The following FSTL5 variants were observed in gnomAD, a reference collection of about 807,000 sequenced individuals.
The protein encoded by FSTL5 is follistatin-related protein 5.
In FSTL5, 62 loss-of-function variants were observed where a neutral mutation model predicts 89.1. That is an observed-to-expected ratio of 0.70 (90% CI 0.57 to 0.86). The LOEUF is 0.86. FSTL5 is among the 40% of genes least tolerant of loss of function. FSTL5 has a pLI of 0.00. For synonymous variants in FSTL5, 383 were observed against 346.2 expected, an observed-to-expected ratio of 1.11 and a Z score of -1.18; for missense variants, 1,057 against 1,001.6, an observed-to-expected ratio of 1.06 and a Z score of -0.75.
chr4:161,506,880 G>C (rs1312780110), intron 11 of FSTL5, among the ~76,000 whole-genome samples: 1 of 152,038 alleles, frequency 6.6e-6, no homozygotes, highest in Non-Finnish European at 1.5e-5. Flanking sequence ...ACTAAATAGT[G>C]ATTTATTTTA....
At chr4:162,085,375 A>T (rs1037062052) in intron 2 of FSTL5, among the ~76,000 whole-genome samples, 1 of 152,130 alleles carries the variant, frequency 6.6e-6, no homozygotes, top group African/African-American at 2.4e-5. Flanking sequence ...ATCACTAAAA[A>T]AGTACTTAAC....
chr4:161,998,303 T>G (rs1241674482), intron 3 of FSTL5, among the ~76,000 whole-genome samples: 1 of 152,146 alleles, frequency 6.6e-6, no homozygotes, highest in Non-Finnish European at 1.5e-5. Context: ...AAGCCAGGGA[T>G]GTTTTCTCAA....
At chr4:161,735,184 G>A (rs1739768394) in intron 6 of FSTL5, among the ~76,000 whole-genome samples, 1 of 152,160 alleles carries the variant, frequency 6.6e-6, no homozygotes, top group African/African-American at 2.4e-5. Context: ...CGTATTTAAT[G>A]CTTATCAGTT....
At chr4:161,592,154 T>C (rs967389111) in intron 7 of FSTL5, among the ~76,000 whole-genome samples, 1 of 152,186 alleles carries the variant, frequency 6.6e-6, no homozygotes, top group Non-Finnish European at 1.5e-5. Context: ...GTAGATCCAC[T>C]GAAGTTTGAG....
intron 6 of FSTL5, among the ~76,000 whole-genome samples, chr4:161,708,893 A>C (rs2126737643): frequency 6.6e-6 from 1 of 152,300 alleles, no homozygotes; most frequent in Non-Finnish European, 1.5e-5. Flanking sequence ...ACAGTCCAAT[A>C]ATATACAAAA....
At chr4:162,125,809 T>G (rs998609830) in intron 1 of FSTL5, among the ~76,000 whole-genome samples, 5 of 152,088 alleles carry the variant, frequency 3.3e-5, no homozygotes, top group African/African-American at 4.8e-5. Context: ...AGCGATAAAT[T>G]TCATATATTT....
intron 10 of FSTL5, among the ~76,000 whole-genome samples, chr4:161,513,346 CT>C (rs1027483055): frequency 1.4e-5 from 2 of 141,176 alleles, no homozygotes; most frequent in Non-Finnish European, 3.0e-5. Context: ...GAAAGAGGGC[CT>C]TTTGATGGGT....
At chr4:161,718,575 C>T (rs994290529) in intron 6 of FSTL5, among the ~76,000 whole-genome samples, 4 of 151,872 alleles carry the variant, frequency 2.6e-5, no homozygotes, top group East Asian at 3.9e-4. Context: ...ACTACAGGTG[C>T]GTGCCACCAT....
At position 161,844,136 on chromosome 4, in the gene FSTL5, T is replaced by A. The variant is rs547365054; in HGVS notation, c.410-68062A>T. Among the ~76,000 whole-genome samples the A allele has an allele frequency of 1.1e-4, 16 of 152,218 alleles. No homozygotes were observed. In the East Asian group the frequency reaches 3.1e-3, roughly 29 times the overall value. On this transcript the variant is annotated intron_variant, in intron 4 of 15. Coordinates refer to ENST00000306100, the MANE Select transcript of FSTL5 (RefSeq NM_020116.5). ...CCCATCAAAAAGTGGGCAAAGGATATGAACAGACACTTCTCAAAAGAAGAC... is the reference window on the plus strand; with the variant it reads ...CCCATCAAAAAGTGGGCAAAGGATAAGAACAGACACTTCTCAAAAGAAGAC...
At chr4:161,835,721 T>C (rs1443219856) in intron 4 of FSTL5, among the ~76,000 whole-genome samples, 4 of 152,186 alleles carry the variant, frequency 2.6e-5, no homozygotes, top group Admixed American at 6.5e-5. Context: ...CATCACTGGC[T>C]ATCAGACAAA....
At chr4:162,013,953 A>G (rs188564610) in intron 3 of FSTL5, among the ~76,000 whole-genome samples, 1 of 152,178 alleles carries the variant, frequency 6.6e-6, no homozygotes, top group Non-Finnish European at 1.5e-5. Context: ...TAAGAGCCTC[A>G]TGGATCTCAG....
chr4:161,456,871 G>C (rs983779075), intron 14 of FSTL5, among the ~76,000 whole-genome samples: 1 of 152,130 alleles, frequency 6.6e-6, no homozygotes, highest in Non-Finnish European at 1.5e-5. Flanking sequence ...TGACATTCAA[G>C]GGAATTGACC....
At chr4:161,631,749 C>A (rs1735513442) in intron 7 of FSTL5, among the ~76,000 whole-genome samples, 1 of 152,148 alleles carries the variant, frequency 6.6e-6, no homozygotes, top group South Asian at 2.1e-4. Context: ...CAAATTACTA[C>A]AAAATTTTGA....
rs1323263681 is a variant in FSTL5, at chr4:161,850,822, G to T, written c.409+69582C>A. Among the ~76,000 whole-genome samples the T allele has an allele frequency of 2.0e-5, 3 of 152,150 alleles. No homozygotes were observed. In the East Asian group the frequency reaches 5.8e-4, roughly 29 times the overall value. On this transcript the variant is annotated intron_variant, in intron 4 of 15. Transcript: ENST00000306100. Reference sequence around the variant, plus strand: ...AGAAAATGTGGTACATATACAAAATGGAATACTATGCAGCCATGAAAAGGA... The same window carrying T: ...AGAAAATGTGGTACATATACAAAATTGAATACTATGCAGCCATGAAAAGGA...
chr4:161,774,045 AG>A (rs1205063841), intron 5 of FSTL5, among the ~76,000 whole-genome samples: 1 of 152,108 alleles, frequency 6.6e-6, no homozygotes, highest in Non-Finnish European at 1.5e-5. Flanking sequence ...GTGGATCACG[AG>A]GTCAGGAGAT....
At chr4:161,897,580 A>C (rs1297861827) in intron 4 of FSTL5, among the ~76,000 whole-genome samples, 14 of 150,084 alleles carry the variant, frequency 9.3e-5, no homozygotes, top group African/African-American at 3.4e-4. Context: ...CGTCTCAAAA[A>C]AAAAAAAAAA....
intron 4 of FSTL5, among the ~76,000 whole-genome samples, chr4:161,849,560 C>T (rs1560880132): frequency 7.1e-6 from 1 of 141,026 alleles, no homozygotes; most frequent in African/African-American, 2.6e-5. Context: ...CACACACACA[C>T]ATAGAATTCT....
intron 2 of FSTL5, among the ~76,000 whole-genome samples, chr4:162,077,276 T>G (rs1302805659): frequency 6.6e-6 from 1 of 151,630 alleles, no homozygotes; most frequent in African/African-American, 2.4e-5. Flanking sequence ...CCACTCCTAC[T>G]CCCATGATGT....
chr4:162,106,098 G>A (rs764473699), intron 2 of FSTL5, among the ~76,000 whole-genome samples: 1 of 152,062 alleles, frequency 6.6e-6, no homozygotes, highest in Non-Finnish European at 1.5e-5. Flanking sequence ...GAATTATACT[G>A]TACTATCATA....
Sources: allele counts gnomAD v4.1 joint callset (sites outside exome capture counted in the v4.1 genomes callset), GRCh38; gene constraint gnomAD v4.1.1; transcripts MANE v1.5; gene names NCBI Gene and HGNC (gene_info 2026-07-23, HGNC 2026-07-21).